Variants in MMP2 observed in about 807,000 individuals in gnomAD.
MMP2 encodes 72 kDa type IV collagenase.
A neutral mutation model predicts 74.8 loss-of-function variants in MMP2; 39 were observed. The ratio of observed to expected loss-of-function variants is 0.52; its 90% CI spans 0.40 to 0.68. MMP2 has a LOEUF of 0.68. Ranked by LOEUF, MMP2 falls within the 30% of genes least tolerant of loss-of-function variation. MMP2 has a pLI of 0.00. For synonymous variants in MMP2, 367 were observed against 339.8 expected (o/e 1.08, Z -0.88); for missense variants, 803 against 878.3 (o/e 0.91, Z 1.08).
chr16:55,495,381 C>T (rs17859960), intron 9 of MMP2, among the ~76,000 whole-genome samples: 1,691 of 152,222 alleles, frequency 0.011, 24 homozygotes, highest in African/African-American at 0.034. Context: ...TCAAAAGGAA[C>T]GTGATGAGTG....
At chr16:55,489,277 G>A (rs1359849873) in intron 6 of MMP2, among the ~76,000 whole-genome samples, 1 of 152,206 alleles carries the variant, frequency 6.6e-6, no homozygotes, top group Non-Finnish European at 1.5e-5. Flanking sequence ...CAGCTGAGGG[G>A]CATGTGCTGG....
chr16:55,483,577 G>T (rs985087454), intron 2 of MMP2, among the ~76,000 whole-genome samples: 1 of 152,172 alleles, frequency 6.6e-6, no homozygotes, highest in East Asian at 1.9e-4. Context: ...AGCCCAATTG[G>T]GTTATAACTG....
At chr16:55,494,365 G>A (rs1962485477) in intron 9 of MMP2, among the ~76,000 whole-genome samples, 1 of 152,228 alleles carries the variant, frequency 6.6e-6, no homozygotes. Flanking sequence ...TGAACTTAGT[G>A]CTGAGAACAA....
At chr16:55,489,901 G>A (rs867972140) in intron 7 of MMP2, 77 bp downstream of exon 7, 1 of 1,510,956 alleles carries the variant, frequency 6.6e-7, no homozygotes, top group Non-Finnish European at 9.0e-7. Context: ...ACCTTCCTGA[G>A]ACCTCACCCA....
intron 1 of MMP2, 65 bp downstream of exon 1, chr16:55,479,697 T>C: frequency 6.3e-7 from 1 of 1,597,388 alleles, no homozygotes. Context: ...AGGATGGGGG[T>C]GTCTCTCCCC....
chr16:55,504,675 CAG>C (rs1217731376), intron 12 of MMP2, among the ~76,000 whole-genome samples: 3 of 137,504 alleles, frequency 2.2e-5, no homozygotes, highest in Non-Finnish European at 4.6e-5. Flanking sequence ...TTTTTTGAGA[CAG>C]AGTCTCCCTC....
At position 55,496,625 on chromosome 16, in the gene MMP2, G is replaced by A. The variant is rs140341725; in HGVS notation, c.1473-301G>A. Among the ~76,000 whole-genome samples, 9 of 152,332 alleles carry A rather than the reference G, an allele frequency of 5.9e-5. No homozygotes were observed. The East Asian group carries it at 1.7e-3, about 29-fold the overall frequency. On this transcript the variant is annotated intron_variant, in intron 9 of 12. Coordinates refer to ENST00000219070, the MANE Select transcript of MMP2 (RefSeq NM_004530.6). Reference sequence around the variant, plus strand: ...GACACTACTGTTCCAGGCACTCAGAGTTGATGATTTTGAGAGGCTTAGAGA... The same window carrying A: ...GACACTACTGTTCCAGGCACTCAGAATTGATGATTTTGAGAGGCTTAGAGA...
intron 1 of MMP2, among the ~76,000 whole-genome samples, chr16:55,481,118 G>C (rs1206825797): frequency 2.6e-5 from 4 of 152,156 alleles, no homozygotes; most frequent in Non-Finnish European, 4.4e-5. Flanking sequence ...GAAGGTAAAG[G>C]AATAAAAGGG....
intron 12 of MMP2, among the ~76,000 whole-genome samples, chr16:55,503,361 T>C (rs1326267389): frequency 6.6e-6 from 1 of 152,182 alleles, no homozygotes; most frequent in Non-Finnish European, 1.5e-5. Flanking sequence ...CCCTGCTGAT[T>C]AAAACACAAC....
chr16:55,493,009 A>T, intron 8 of MMP2, 149 bp from the exon 9 acceptor site: 1 of 901,384 alleles, frequency 1.1e-6, no homozygotes, highest in Non-Finnish European at 1.7e-6. Context: ...AAGTCCAGGC[A>T]TCTTCTTGTT....
At chr16:55,504,027 G>A (rs1055252363) in intron 12 of MMP2, among the ~76,000 whole-genome samples, 9 of 152,160 alleles carry the variant, frequency 5.9e-5, no homozygotes, top group East Asian at 3.9e-4. Context: ...ACATGACGGC[G>A]CATACCTGTA....
intron 1 of MMP2, 113 bp downstream of exon 1, chr16:55,479,745 C>A: frequency 7.4e-7 from 1 of 1,353,930 alleles, no homozygotes; most frequent in Non-Finnish European, 1.0e-6. Context: ...GGGGGAGGGG[C>A]TTCGGTAAAC....
At chr16:55,488,967 C>T (rs1962332049) in intron 6 of MMP2, among the ~76,000 whole-genome samples, 1 of 152,200 alleles carries the variant, frequency 6.6e-6, no homozygotes. Context: ...AATGTCAGGC[C>T]TGCTCAGGAT....
chr16:55,496,503 T>C (rs1962532178), intron 9 of MMP2, among the ~76,000 whole-genome samples: 1 of 152,224 alleles, frequency 6.6e-6, no homozygotes, highest in African/African-American at 2.4e-5. Flanking sequence ...CTTGACAAAG[T>C]ACACAAATTC....
intron 11 of MMP2, among the ~76,000 whole-genome samples, chr16:55,499,673 C>T (rs6499763): frequency 2.0e-5 from 3 of 151,960 alleles, no homozygotes; most frequent in Non-Finnish European, 4.4e-5. Flanking sequence ...GAAAAGGAAA[C>T]GGAGGTCCAA....
At chr16:55,490,964 A>G (rs1264270030) in intron 7 of MMP2, among the ~76,000 whole-genome samples, 1 of 152,120 alleles carries the variant, frequency 6.6e-6, no homozygotes, top group East Asian at 1.9e-4. Context: ...GGAAGTCTAA[A>G]ATCACGGCGT....
intron 5 of MMP2, 140 bp downstream of exon 5, chr16:55,485,917 C>T: frequency 1.2e-6 from 1 of 829,306 alleles, no homozygotes; most frequent in Non-Finnish European, 2.0e-6. Flanking sequence ...GTCCTTCACT[C>T]AGTTCCCCCC....
At chr16:55,487,030 T>TA (rs1962276790) in intron 5 of MMP2, 2 of 152,306 alleles carry the variant, frequency 1.3e-5, no homozygotes, top group South Asian at 4.1e-4. Context: ...GAAATAAAAA[T>TA]ATTTTTTGTA....
In MMP2 at chr16:55,505,535, CG is replaced by C; in HGVS notation, c.*94del. On this transcript the variant is annotated 3_prime_UTR_variant, in exon 13 of 13. Transcript: ENST00000219070. ...GAAGGACCCGGAGGGGCCTGGCAGC[CG>C]TGCCTTCAGCTCTACAGCTAATCAG... The C allele has an allele frequency of 9.4e-7, 1 of 1,061,208 alleles. No homozygotes were observed. The highest frequency in any genetic ancestry group is 1.5e-6 in the Non-Finnish European group (1 of 680,378). 65.7% of individuals were successfully genotyped at this position (1,061,208 alleles called of 1,614,324 possible).
Sources: allele counts gnomAD v4.1 joint callset (sites outside exome capture counted in the v4.1 genomes callset), GRCh38; gene constraint gnomAD v4.1.1; transcripts MANE v1.5; gene names NCBI Gene and HGNC (gene_info 2026-07-23, HGNC 2026-07-21).